AATF: variants seen among roughly 807,000 people sequenced by gnomAD.
AATF encodes the protein protein AATF.
AATF carries 48 observed loss-of-function variants against 63.7 expected under a neutral mutation model. The observed-to-expected ratio is 0.75, with a 90% CI of 0.60 to 0.96. The LOEUF is 0.96. Among genes scored for constraint, AATF ranks in the 40% least tolerant of loss-of-function variants. The pLI is 0.00. For synonymous variants in AATF, 258 were observed against 247.7 expected (o/e 1.04, Z -0.39); for missense variants, 639 against 685.7 (o/e 0.93, Z 0.76).
At chr17:36,994,921 C>T (rs958360130) in intron 8 of AATF, among the ~76,000 whole-genome samples, 1 of 152,224 alleles carries the variant, frequency 6.6e-6, no homozygotes, top group Non-Finnish European at 1.5e-5. Flanking sequence ...TTAATCCTCA[C>T]AAGATCCTCG....
chr17:37,033,908 C>T (rs748465548), intron 11 of AATF: 1 of 154,650 alleles, frequency 6.5e-6, no homozygotes, highest in Non-Finnish European at 1.5e-5. Context: ...CCCAGAATTC[C>T]CTTCAGCAAA....
At chr17:37,023,829 G>T (rs911882243) in intron 10 of AATF, among the ~76,000 whole-genome samples, 2 of 151,806 alleles carry the variant, frequency 1.3e-5, no homozygotes, top group East Asian at 1.9e-4. Flanking sequence ...GTTCCAGGAC[G>T]CACAAACAGC....
At chr17:36,974,471 A>G (rs930184796) in intron 4 of AATF, among the ~76,000 whole-genome samples, 5 of 152,190 alleles carry the variant, frequency 3.3e-5, no homozygotes, top group African/African-American at 4.8e-5. Context: ...ACTCATATGC[A>G]TACTTACTTT....
chr17:37,038,315 A>T (rs925050328), intron 11 of AATF, among the ~76,000 whole-genome samples: 5 of 152,228 alleles, frequency 3.3e-5, no homozygotes, highest in African/African-American at 1.2e-4. Context: ...GTAAGTCAGT[A>T]AAATGCTAGT....
rs111923300 is a variant in AATF, at chr17:36,990,373, G to A, written c.1315-401G>A. On this transcript the variant is annotated intron_variant, in intron 7 of 11. Transcript: ENST00000619387. ...TGCTACAGGAAAGATTCCTGTACAT[G>A]TATTATGTGTTCGTATAAATATATG... is the stretch of plus-strand genomic sequence containing the variant. Among the ~76,000 whole-genome samples the A allele has an allele frequency of 4.0e-3, 602 of 152,192 alleles. 7 individuals are homozygous for A. Among genetic ancestry groups the A allele is most frequent in the African/African-American group, 0.014 (582 of 41,528 alleles).
At chr17:37,015,888 G>A (rs1396638104) in intron 8 of AATF, among the ~76,000 whole-genome samples, 1 of 152,158 alleles carries the variant, frequency 6.6e-6, no homozygotes, top group South Asian at 2.1e-4. Context: ...CTATTCTGGA[G>A]CTTCTGTGGT....
At chr17:37,024,854 G>C (rs1354258343) in intron 10 of AATF, among the ~76,000 whole-genome samples, 2 of 152,120 alleles carry the variant, frequency 1.3e-5, no homozygotes, top group Non-Finnish European at 2.9e-5. Flanking sequence ...AGCTACTCGG[G>C]AGGCTGAGGC....
At chr17:37,050,691 G>A (rs1047385256) in intron 11 of AATF, among the ~76,000 whole-genome samples, 14 of 152,142 alleles carry the variant, frequency 9.2e-5, no homozygotes, top group Non-Finnish European at 1.3e-4. Context: ...CCCTTTGTCC[G>A]ACTTGCCTGC....
At position 36,949,076 on chromosome 17, in the gene AATF, G is replaced by C. The variant is rs1399796992; in HGVS notation, c.-50G>C. The C allele has an allele frequency of 1.4e-6, 2 of 1,464,634 alleles. No individual in the cohort carries two copies. The highest frequency in any genetic ancestry group is 5.0e-5 in the East Asian group (2 of 40,376). 90.7% of individuals were successfully genotyped at this position (1,464,634 alleles called of 1,614,324 possible). On this transcript the variant is annotated 5_prime_UTR_variant, in exon 1 of 12. Transcript: ENST00000619387. ...GGAAGGAGCTTCGGGGCCGGGGGTT[G>C]GGCCGCACATTTACGTGCGCGAAGC...
At chr17:37,011,167 T>C (rs192503609) in intron 8 of AATF, among the ~76,000 whole-genome samples, 4 of 152,242 alleles carry the variant, frequency 2.6e-5, no homozygotes. Flanking sequence ...GTTCAGGAGT[T>C]CGAGACCAGC....
chr17:37,047,015 G>A (rs548676508), intron 11 of AATF, among the ~76,000 whole-genome samples: 6 of 152,270 alleles, frequency 3.9e-5, no homozygotes, highest in Admixed American at 2.0e-4. Flanking sequence ...GGGGACCGTG[G>A]TGGCTTGACG....
At chr17:37,021,080 C>A (rs2071466395) in intron 10 of AATF, 66 bp downstream of exon 10, 1 of 1,155,686 alleles carries the variant, frequency 8.7e-7, no homozygotes, top group African/African-American at 1.6e-5. Context: ...TACATTCTGG[C>A]TGTTATGTCA....
At chr17:37,044,780 A>C (rs2071675426) in intron 11 of AATF, among the ~76,000 whole-genome samples, 1 of 152,204 alleles carries the variant, frequency 6.6e-6, no homozygotes, top group South Asian at 2.1e-4. Flanking sequence ...GAAGTGCTCC[A>C]GTGAGCATTT....
intron 8 of AATF, among the ~76,000 whole-genome samples, chr17:37,000,294 A>C (rs2071284158): frequency 1.3e-5 from 2 of 152,154 alleles, no homozygotes; most frequent in South Asian, 4.1e-4. Flanking sequence ...ATATCAAAAG[A>C]GAGTAGTCAA....
chr17:36,983,224 G>T (rs1045684293), intron 4 of AATF, among the ~76,000 whole-genome samples: 1 of 151,846 alleles, frequency 6.6e-6, no homozygotes, highest in African/African-American at 2.4e-5. Flanking sequence ...GTATTTTTTT[G>T]TAGAGACAGG....
chr17:37,005,034 G>A (rs1208093463), intron 8 of AATF, among the ~76,000 whole-genome samples: 2 of 152,180 alleles, frequency 1.3e-5, no homozygotes, highest in Non-Finnish European at 2.9e-5. Context: ...TATTGTGGTG[G>A]CAGCACCTGA....
chr17:37,049,877 CAGAG>C (rs1210179712), intron 11 of AATF, among the ~76,000 whole-genome samples: 6 of 152,104 alleles, frequency 3.9e-5, no homozygotes, highest in Admixed American at 6.6e-5. Flanking sequence ...CTTGGGAAGA[CAGAG>C]AGAGAAGTAT....
At chr17:36,997,391 C>A (rs566174148) in intron 8 of AATF, among the ~76,000 whole-genome samples, 9 of 152,172 alleles carry the variant, frequency 5.9e-5, no homozygotes, top group African/African-American at 2.2e-4. Context: ...AAGAAAAAAA[C>A]AATCCCATCA....
intron 8 of AATF, among the ~76,000 whole-genome samples, chr17:37,013,641 A>C (rs1053523577): frequency 6.6e-6 from 1 of 152,194 alleles, no homozygotes; most frequent in African/African-American, 2.4e-5. Context: ...TCTATGCATG[A>C]GGGATCTACC....
Sources: gnomAD v4.1 joint callset for allele counts (sites outside exome capture counted in the v4.1 genomes callset) on GRCh38, gnomAD v4.1.1 for gene constraint, MANE v1.5 for transcripts, NCBI Gene and HGNC (gene_info 2026-07-23, HGNC 2026-07-21) for gene names.